The following DOCK7 variants were observed in gnomAD, a reference collection of about 807,000 sequenced individuals.
DOCK7 encodes dedicator of cytokinesis 7, also known as dedicator of cytokinesis protein 7.
Under a neutral mutation model 271.0 loss-of-function variants are expected in DOCK7, and 138 were observed. That is an observed-to-expected ratio of 0.51 (90% CI 0.44 to 0.59). DOCK7 has a LOEUF of 0.59. Ranked by LOEUF, DOCK7 falls within the 20% of genes least tolerant of loss-of-function variation. The pLI, the probability that DOCK7 is intolerant of heterozygous loss-of-function variation, is 0.00. For missense variants in DOCK7, 2,066 were observed against 2,592.4 expected (o/e 0.80, Z 4.41); for synonymous variants, 823 against 876.1 (o/e 0.94, Z 1.07).
In DOCK7 at chr1:62,591,169, A is replaced by G. The variant is rs550477778; in HGVS notation, c.1683-4545T>C. ...TACACAGGGAATACCATGCAGCCAT[A>G]AAAAAGAACAAGATCATCATGTCTT... On this transcript the variant is annotated intron_variant, in intron 14 of 49. Coordinates refer to ENST00000635253, the MANE Select transcript of DOCK7 (RefSeq NM_001367561.1). Among the ~76,000 whole-genome samples, 3 of 152,324 alleles carry G rather than the reference A, an allele frequency of 2.0e-5. No individual in the cohort carries two copies. In the South Asian group the frequency reaches 6.2e-4, roughly 32 times the overall value.
intron 18 of DOCK7, among the ~76,000 whole-genome samples, chr1:62,572,437 G>GA (rs1387230049): frequency 6.6e-6 from 1 of 152,094 alleles, no homozygotes; most frequent in Non-Finnish European, 1.5e-5. Flanking sequence ...TTTTACAGAT[G>GA]AAAAAACTGA....
At chr1:62,586,405 G>C in intron 15 of DOCK7, 102 bp downstream of exon 15, 1 of 769,330 alleles carries the variant, frequency 1.3e-6, no homozygotes. Flanking sequence ...TGGTTTAAAA[G>C]ATCACATTAA....
At chr1:62,473,903 G>A in intron 48 of DOCK7, 79 bp downstream of exon 48, 3 of 1,158,710 alleles carry the variant, frequency 2.6e-6, no homozygotes, top group Non-Finnish European at 3.7e-6. Context: ...CTTTTCAATG[G>A]TTCCTTAAGG....
intron 33 of DOCK7, among the ~76,000 whole-genome samples, chr1:62,512,263 TAC>T (rs1176964455): frequency 6.6e-6 from 1 of 152,258 alleles, no homozygotes; most frequent in Non-Finnish European, 1.5e-5. Flanking sequence ...ATGTATCATC[TAC>T]ACAGATGACC....
At chr1:62,497,072 T>C (rs1328629790) in intron 37 of DOCK7, among the ~76,000 whole-genome samples, 1 of 152,186 alleles carries the variant, frequency 6.6e-6, no homozygotes, top group Non-Finnish European at 1.5e-5. Context: ...AATATATCAA[T>C]TGTCAAATCC....
chr1:62,531,167 C>G (rs1168013), intron 29 of DOCK7, among the ~76,000 whole-genome samples: 88,685 of 152,050 alleles, frequency 0.58, 27,536 homozygotes, highest in East Asian at 0.76. Flanking sequence ...CTTAGATTCT[C>G]GCCAATTGCT....
chr1:62,460,098 CAAAAAAAAAAA>C (rs71053316), intron 48 of DOCK7, among the ~76,000 whole-genome samples: 95 of 66,026 alleles, frequency 1.4e-3, no homozygotes, highest in African/African-American at 5.1e-3. Context: ...AGACTCGTCT[CAAAAAAAAAAA>C]AAAAAAAAAA....
At chr1:62,564,630 C>T (rs1184782530) in intron 18 of DOCK7, among the ~76,000 whole-genome samples, 1 of 151,886 alleles carries the variant, frequency 6.6e-6, no homozygotes, top group Non-Finnish European at 1.5e-5. Context: ...CCTAACATCA[C>T]AATTAAAAGA....
chr1:62,524,607 C>T (rs933428103), intron 31 of DOCK7, among the ~76,000 whole-genome samples: 3 of 151,888 alleles, frequency 2.0e-5, no homozygotes, highest in Non-Finnish European at 4.4e-5. Context: ...AACTAAACTA[C>T]AGTATTTTGG....
intron 2 of DOCK7, among the ~76,000 whole-genome samples, chr1:62,661,929 C>T (rs1658709153): frequency 6.6e-6 from 1 of 152,080 alleles, no homozygotes; most frequent in Non-Finnish European, 1.5e-5. Flanking sequence ...AGGATTATCT[C>T]CATGTACATT....
intron 14 of DOCK7, chr1:62,604,343 A>T: frequency 1.4e-6 from 2 of 1,394,288 alleles, no homozygotes; most frequent in Non-Finnish European, 2.0e-6. Context: ...ATCCCAAATA[A>T]GCGTTTTCTC....
intron 14 of DOCK7, chr1:62,604,450 G>C (rs755723014): frequency 9.0e-6 from 8 of 887,312 alleles, no homozygotes; most frequent in Non-Finnish European, 1.4e-5. Context: ...TTTTTTGGTA[G>C]TGTATAGATT....
At chr1:62,555,759 T>A in intron 21 of DOCK7, 66 bp downstream of exon 21, 1 of 1,522,444 alleles carries the variant, frequency 6.6e-7, no homozygotes, top group East Asian at 2.3e-5. Context: ...ACTACAAAAT[T>A]ATCTCAATAC....
At chr1:62,456,561 A>G (rs1645353446) in intron 49 of DOCK7, among the ~76,000 whole-genome samples, 1 of 152,206 alleles carries the variant, frequency 6.6e-6, no homozygotes. Flanking sequence ...AAGTTTTTCA[A>G]AACTGCCTAC....
intron 15 of DOCK7, among the ~76,000 whole-genome samples, chr1:62,583,493 A>G (rs190925045): frequency 2.9e-4 from 44 of 152,350 alleles, no homozygotes; most frequent in Admixed American, 1.1e-3. Flanking sequence ...AATTTTATTT[A>G]TATCTACTGG....
intron 7 of DOCK7, 115 bp from the exon 8 acceptor site, chr1:62,636,718 C>T (rs1655319473): frequency 1.3e-6 from 1 of 787,926 alleles, no homozygotes; most frequent in South Asian, 1.9e-5. Context: ...TACACCTGTG[C>T]CTTTGCCTAT....
At chr1:62,495,497 T>A (rs1298760954) in intron 39 of DOCK7, 84 bp downstream of exon 39, 1 of 767,836 alleles carries the variant, frequency 1.3e-6, no homozygotes, top group Non-Finnish European at 1.9e-6. Context: ...ATCATTTTTG[T>A]GTGTTTATTT....
Position 62,603,952 on chromosome 1 carries a change from A to C in DOCK7, c.1682+14754T>G, listed in dbSNP as rs745739624. On this transcript the variant is annotated intron_variant, in intron 14 of 49. Transcript: ENST00000635253. ...TGTACTTAATAACTCACAGATTTTTAAAACTTTTCTTTTCAGGAGAATTTT... is the reference window on the plus strand; with the variant it reads ...TGTACTTAATAACTCACAGATTTTTCAAACTTTTCTTTTCAGGAGAATTTT... 42 of 1,611,168 alleles carry C rather than the reference A, an allele frequency of 2.6e-5. No individual in the cohort carries two copies. The highest frequency in any genetic ancestry group is 2.5e-5 in the Non-Finnish European group (30 of 1,178,024).
chr1:62,492,041 T>A (rs1004361526), intron 41 of DOCK7, among the ~76,000 whole-genome samples: 1 of 151,854 alleles, frequency 6.6e-6, no homozygotes, highest in African/African-American at 2.4e-5. Context: ...TGAAACCCCA[T>A]CCCTACAAAA....
Sources: gnomAD v4.1 joint callset for allele counts (sites outside exome capture counted in the v4.1 genomes callset) on GRCh38, gnomAD v4.1.1 for gene constraint, MANE v1.5 for transcripts, NCBI Gene and HGNC (gene_info 2026-07-23, HGNC 2026-07-21) for gene names.